Variants in CHD5 observed in about 807,000 individuals in gnomAD.
CHD5 encodes the protein ATP-dependent chromatin remodeler CHD5.
CHD5 carries 69 observed loss-of-function variants against 230.3 expected under a neutral mutation model. The ratio of observed to expected loss-of-function variants is 0.30; its 90% CI spans 0.25 to 0.37. The LOEUF (loss-of-function observed/expected upper bound fraction) is 0.37, where lower values mean the gene tolerates loss of function less well. Among genes scored for constraint, CHD5 ranks in the 10% least tolerant of loss-of-function variants. The pLI is 1.00. For synonymous variants in CHD5, 1,064 were observed against 1,065.9 expected, an observed-to-expected ratio of 1.00 and a Z score of 0.03; for missense variants, 1,827 against 2,622.8, an observed-to-expected ratio of 0.70 and a Z score of 6.63.
chr1:6,160,149 G>A (rs1202868682), intron 2 of CHD5, among the ~76,000 whole-genome samples: 95 of 103,916 alleles, frequency 9.1e-4, no homozygotes, highest in East Asian at 2.7e-3. Flanking sequence ...CCAGGGAAGG[G>A]CCCCAGCAAG....
intron 7 of CHD5, among the ~76,000 whole-genome samples, chr1:6,150,587 TGGATGGATGAA>T (rs1571161663): frequency 6.6e-6 from 1 of 151,378 alleles, no homozygotes; most frequent in Non-Finnish European, 1.5e-5. Flanking sequence ...GATGAATGGC[TGGATGGATGAA>T]GGATGGATGG....
chr1:6,139,744 GGTAA>G (rs1357232880), intron 15 of CHD5, among the ~76,000 whole-genome samples: 3 of 152,096 alleles, frequency 2.0e-5, no homozygotes, highest in African/African-American at 7.2e-5. Flanking sequence ...CGGTTAAGAT[GGTAA>G]GTTTTACATT....
intron 38 of CHD5, among the ~76,000 whole-genome samples, chr1:6,109,018 G>A (rs889646909): frequency 7.9e-5 from 12 of 151,972 alleles, no homozygotes; most frequent in African/African-American, 2.9e-4. Flanking sequence ...CGGGCACCAG[G>A]GGGTGCCCTG....
intron 35 of CHD5, 116 bp downstream of exon 35, chr1:6,112,024 T>A (rs879249623): frequency 7.1e-7 from 1 of 1,415,810 alleles, no homozygotes; most frequent in African/African-American, 1.4e-5. Flanking sequence ...AGAAAGGTTA[T>A]ACGATGGACT....
rs548028818 is a variant in CHD5 at position 6,126,434 on chromosome 1, C to T, written c.4078+138G>A. On this transcript the variant is annotated intron_variant, in intron 26 of 41. Transcript: ENST00000262450. This position sits in a 1 kb window ranked among gnomAD's most constrained non-coding sequence, Gnocchi z 5.7. Reference sequence around the variant, plus strand: ...ACCCTCCGCCTCTGGGTATGGGACACCCATCCCTCCTGGCACACTCGCCCA... The same window carrying T: ...ACCCTCCGCCTCTGGGTATGGGACATCCATCCCTCCTGGCACACTCGCCCA... The T allele has an allele frequency of 5.9e-6, 4 of 683,216 alleles. No individual in the cohort carries two copies. In the East Asian group the frequency reaches 1.1e-4, roughly 19 times the overall value. The allele number at this position is 683,216 out of a possible 1,614,324, so 42.3% of individuals were successfully genotyped here. A position where few individuals can be genotyped will look rare whatever the true frequency, so the allele number is the denominator to read the frequency against.
At chr1:6,124,798 C>G (rs574075623) in intron 29 of CHD5, 137 bp from the exon 30 acceptor site, 4 of 695,614 alleles carry the variant, frequency 5.8e-6, no homozygotes, top group Non-Finnish European at 9.5e-6. Context: ...CTGGGCCAGG[C>G]CCGGGAAAGG....
intron 33 of CHD5, among the ~76,000 whole-genome samples, chr1:6,119,966 T>C (rs538382242): frequency 5.3e-5 from 8 of 151,856 alleles, no homozygotes; most frequent in Non-Finnish European, 1.2e-4. Context: ...GTTCAAGCAA[T>C]TCTCCTGCCT....
At position 6,112,943 on chromosome 1, in the gene CHD5, G is replaced by C; in HGVS notation, c.4968C>G (p.Ile1656Met). The C allele has an allele frequency of 6.2e-7, 1 of 1,614,002 alleles. No individual in the cohort carries two copies. The highest frequency in any genetic ancestry group is 1.1e-5 in the South Asian group (1 of 91,084). ...KILDKLELSLIHSRGDSSELR... is the reference protein window; with the variant it reads ...KILDKLELSLMHSRGDSSELR... Reference sequence around the variant, plus strand: ...GTTCGGAACTGTCCCCTCTGCTGTGGATCAAGCTCAGCTCCAGCTTGTCCA... The same window carrying C: ...GTTCGGAACTGTCCCCTCTGCTGTGCATCAAGCTCAGCTCCAGCTTGTCCA... The change falls in exon 34 of 42, where the codon ATC becomes ATG. Residue 1656 changes from isoleucine (I) to methionine (M), a missense_variant. Ile to Met is a conservative substitution (Grantham distance 10, BLOSUM62 1). This residue lies in a region of CHD5 where 272 missense variants were observed against 263.2 expected (regional missense o/e 1.03). Transcript: ENST00000262450.
intron 20 of CHD5, among the ~76,000 whole-genome samples, chr1:6,132,880 T>TCTCTC (rs1666679731): frequency 4.8e-5 from 7 of 144,428 alleles, no homozygotes; most frequent in Non-Finnish European, 3.0e-5. Context: ...TCCTATTCTT[T>TCTCTC]TCTCTCTCTC....
intron 3 of CHD5, among the ~76,000 whole-genome samples, chr1:6,158,502 T>C (rs1420473369): frequency 6.6e-6 from 1 of 152,206 alleles, no homozygotes; most frequent in East Asian, 1.9e-4. Flanking sequence ...CACTCTCCCC[T>C]AGAAATAGCT....
chr1:6,144,182 C>G (rs1457229776), intron 11 of CHD5, 27 bp from the exon 12 acceptor site: 2 of 1,613,656 alleles, frequency 1.2e-6, no homozygotes, highest in South Asian at 1.1e-5. Context: ...AGATGTGGGT[C>G]GCTCAGAGCA....
intron 1 of CHD5, among the ~76,000 whole-genome samples, chr1:6,169,323 C>T (rs1477607000): frequency 3.9e-5 from 6 of 152,248 alleles, no homozygotes; most frequent in Non-Finnish European, 7.3e-5. Flanking sequence ...AGAGAGACGC[C>T]GTGCCCAGCA....
At chr1:6,143,773 G>A (rs1195139514) in intron 13 of CHD5, 50 bp downstream of exon 13, 2 of 1,518,862 alleles carry the variant, frequency 1.3e-6, no homozygotes, top group East Asian at 4.5e-5. Context: ...AGTCTGAGGT[G>A]GGCAGGCCCT....
chr1:6,178,316 TC>T (rs2100892481), intron 1 of CHD5, among the ~76,000 whole-genome samples: 1 of 151,602 alleles, frequency 6.6e-6, no homozygotes, highest in Admixed American at 6.6e-5. Context: ...AACCTCTAAG[TC>T]CCCACATAGT....
chr1:6,113,110 G>T (rs1666319065), intron 33 of CHD5, 112 bp from the exon 34 acceptor site: 2 of 739,656 alleles, frequency 2.7e-6, no homozygotes, highest in Non-Finnish European at 2.3e-6. Flanking sequence ...GTTCCGCAGA[G>T]TCCAACAGGT....
In CHD5 at chr1:6,106,343, C is replaced by T. The variant is rs372441441; in HGVS notation, c.5857+52G>A. The stretch of plus-strand genomic sequence containing the variant: ...CTGACGTTGGCAGCAGCAGGCAGGC[C>T]GGGCCCGGCGGGCACCCGTGTGCAT... On this transcript the variant is annotated intron_variant, in intron 40 of 41. Coordinates refer to ENST00000262450, the MANE Select transcript of CHD5 (RefSeq NM_015557.3). 1.1e-4 allele frequency: 176 copies of T among 1,611,524 alleles called. 1 individual carries two copies. In the African/African-American group the frequency reaches 2.0e-3, roughly 18 times the overall value.
Position 6,146,891 on chromosome 1 carries a change from C to T in CHD5, c.1384-20G>A. 6.8e-7 allele frequency: 1 copy of T among 1,470,096 alleles called. No individual in the cohort carries two copies. The highest frequency in any genetic ancestry group is 1.4e-5 in the South Asian group (1 of 70,530). 91.1% of individuals were successfully genotyped at this position (1,470,096 alleles called of 1,614,324 possible). Reference sequence around the variant, plus strand: ...GGGGCACTGTGGACAGAGAAGGGTCCCCAAGGTGGGGCTCAGCTGCAGGGC... The same window carrying T: ...GGGGCACTGTGGACAGAGAAGGGTCTCCAAGGTGGGGCTCAGCTGCAGGGC... On this transcript the variant is annotated intron_variant, in intron 9 of 41. Coordinates refer to ENST00000262450, the MANE Select transcript of CHD5 (RefSeq NM_015557.3). This position sits in a 1 kb window ranked among gnomAD's most constrained non-coding sequence, Gnocchi z 5.1.
At chr1:6,150,447 TGGATGGATGGATGGATGGAC>T (rs1666986534) in intron 7 of CHD5, among the ~76,000 whole-genome samples, 1 of 140,064 alleles carries the variant, frequency 7.1e-6, no homozygotes, top group Non-Finnish European at 1.5e-5. Context: ...GATGGATGGA[TGGATGGATGGATGGATGGAC>T]GGACGGACGG....
intron 29 of CHD5, among the ~76,000 whole-genome samples, 153 bp from the exon 30 acceptor site, chr1:6,124,814 G>A (rs911941223): frequency 9.8e-5 from 15 of 152,308 alleles, no homozygotes; most frequent in East Asian, 5.8e-4. Flanking sequence ...AAAGGACAGA[G>A]AGGGCCTCCC....
Sources: allele counts gnomAD v4.1 joint callset (sites outside exome capture counted in the v4.1 genomes callset), GRCh38; gene constraint gnomAD v4.1.1; regional missense constraint gnomAD v4.1.1; non-coding constraint Gnocchi (gnomAD v3.1); transcripts MANE v1.5; gene names NCBI Gene and HGNC (gene_info 2026-07-23, HGNC 2026-07-21).